Variants in ACSL6 observed in about 807,000 individuals in gnomAD.
ACSL6 encodes the protein acyl-CoA synthetase long chain family member 6, also known as long-chain-fatty-acid--CoA ligase 6.
A neutral mutation model predicts 98.2 loss-of-function variants in ACSL6; 47 were observed. The ratio of observed to expected loss-of-function variants is 0.48; its 90% confidence interval spans 0.38 to 0.61. The LOEUF is 0.61. ACSL6 is among the 20% of genes least tolerant of loss of function. The probability of loss-of-function intolerance (pLI) is 0.00; values close to 1 mark genes in which losing one functional copy is unlikely to be tolerated. For missense variants in ACSL6, 761 were observed against 913.4 expected, an observed-to-expected ratio of 0.83 and a Z score of 2.15; for synonymous variants, 362 against 336.9, an observed-to-expected ratio of 1.07 and a Z score of -0.82.
rs1287943381 is a variant in ACSL6 at position 131,962,583 on chromosome 5, G to A, written c.1809C>T (p.Ile603=). The A allele has an allele frequency of 3.1e-6, 5 of 1,614,068 alleles. No individual in the cohort carries two copies. The highest frequency in any genetic ancestry group is 3.4e-6 in the Non-Finnish European group (4 of 1,179,992). ...AGATTTGCGCCACAGGTTGGCTCCG[G>A]ATGTAGATGTTCTCAATCTTCTCGG... ...VAPEKIENIY[I]RSQPVAQIYV... The change falls in exon 18 of 21, where the codon ATC becomes ATT. Residue 603 remains isoleucine, a synonymous_variant. Coordinates refer to ENST00000651883, the MANE Select transcript of ACSL6 (RefSeq NM_001009185.3).
chr5:132,006,720 G>C (rs1021097978), intron 1 of ACSL6: 2 of 152,204 alleles, frequency 1.3e-5, no homozygotes, highest in Admixed American at 1.3e-4. Flanking sequence ...CCACAAAACT[G>C]GTCACCCAGA....
chr5:132,011,997 C>T (rs935415532), upstream of ACSL6: 2 of 1,491,556 alleles, frequency 1.3e-6, no homozygotes, highest in Non-Finnish European at 1.8e-6. This position sits in a 1 kb window ranked among gnomAD's most constrained non-coding sequence, Gnocchi z 5.4. Flanking sequence ...CCGCCGCCAC[C>T]CACCCCATCA....
chr5:131,976,807 A>C (rs1580655266), intron 9 of ACSL6, 86 bp from the exon 10 acceptor site: 1 of 1,099,934 alleles, frequency 9.1e-7, no homozygotes, highest in South Asian at 1.3e-5. Flanking sequence ...AGTCCCAGAC[A>C]CCCATGCTGT....
chr5:131,982,870 T>G (rs1030662393), intron 9 of ACSL6: 1 of 152,224 alleles, frequency 6.6e-6, no homozygotes, highest in South Asian at 2.1e-4. Context: ...CCGCATCATA[T>G]TGTAACTGCC....
intron 1 of ACSL6, among the ~76,000 whole-genome samples, chr5:132,004,166 G>C (rs548173115): frequency 3.3e-5 from 5 of 152,124 alleles, no homozygotes; most frequent in African/African-American, 9.6e-5. Flanking sequence ...CTAGCTTCCA[G>C]GGCTGGGGCT....
chr5:132,011,643 C>A lies in ACSL6; in HGVS notation c.-90G>T. The A allele has an allele frequency of 8.0e-7, 1 of 1,256,202 alleles. No homozygotes were observed. Among genetic ancestry groups the A allele is most frequent in the African/African-American group, 1.6e-5 (1 of 63,764 alleles). The allele number at this position is 1,256,202 out of a possible 1,614,324, so 77.8% of individuals were successfully genotyped here. A position where few individuals can be genotyped will look rare whatever the true frequency, so the allele number is the denominator to read the frequency against. ...AGCCCAGCAGCCCCAGCAGTAGCCG[C>A]GCCGCCGCCGCCGCTGCCGGGTATT... On this transcript the variant is annotated 5_prime_UTR_variant, in exon 1 of 21. Coordinates refer to ENST00000651883, the MANE Select transcript of ACSL6 (RefSeq NM_001009185.3). This position sits in a 1 kb window ranked among gnomAD's most constrained non-coding sequence, Gnocchi z 5.4.
At chr5:131,976,000 G>C in intron 10 of ACSL6, 1 of 985,476 alleles carries the variant, frequency 1.0e-6, no homozygotes, top group Non-Finnish European at 1.2e-6. Flanking sequence ...AATGTGGAGT[G>C]TGACTTTCTC....
At chr5:131,966,386 T>A in intron 17 of ACSL6, 30 bp downstream of exon 17, 1 of 1,609,206 alleles carries the variant, frequency 6.2e-7, no homozygotes, top group Middle Eastern at 1.8e-4. Flanking sequence ...TGCCAAATGT[T>A]TGGAGCTCCG....
intron 1 of ACSL6, among the ~76,000 whole-genome samples, chr5:132,003,121 C>T (rs1486370807): frequency 6.6e-6 from 1 of 152,336 alleles, no homozygotes; most frequent in East Asian, 1.9e-4. Flanking sequence ...GTTAAGGGCA[C>T]ATTTTCTGGC....
At chr5:131,958,198 C>T (rs1056435102) in intron 20 of ACSL6, among the ~76,000 whole-genome samples, 18 of 152,130 alleles carry the variant, frequency 1.2e-4, no homozygotes, top group African/African-American at 4.1e-4. Context: ...GGACAGGTCC[C>T]GCATCCAAAC....
Position 132,011,487 on chromosome 5 carries a change from G to A in ACSL6, c.49+18C>T, listed in dbSNP as rs1166039559. 1.2e-6 allele frequency: 2 copies of A among 1,609,982 alleles called. No homozygotes were observed. Among genetic ancestry groups the A allele is most frequent in the Non-Finnish European group, 1.7e-6 (2 of 1,177,590 alleles). On this transcript the variant is annotated intron_variant, in intron 1 of 20. Transcript: ENST00000651883. The surrounding 1 kb of genome is among the most constrained non-coding windows in gnomAD (Gnocchi z 5.4). Reference sequence around the variant, plus strand: ...GCGGGAGATGGGAGTCCGGGACGCGGACAGGACGGGCACTTACCTACGAAT... The same window carrying A: ...GCGGGAGATGGGAGTCCGGGACGCGAACAGGACGGGCACTTACCTACGAAT...
intron 15 of ACSL6, among the ~76,000 whole-genome samples, chr5:131,969,049 T>C (rs79063757): frequency 1.3e-3 from 196 of 152,312 alleles, no homozygotes; most frequent in African/African-American, 4.3e-3. Flanking sequence ...CTACATCTGA[T>C]GGGTAATCCA....
intron 14 of ACSL6, among the ~76,000 whole-genome samples, chr5:131,970,448 C>T (rs1173484382): frequency 1.3e-5 from 2 of 148,542 alleles, no homozygotes; most frequent in Non-Finnish European, 3.0e-5. Context: ...CTCACTCTGT[C>T]GCCCAGGCTG....
intron 1 of ACSL6, 73 bp from the exon 2 acceptor site, chr5:131,994,324 C>A: frequency 7.7e-7 from 1 of 1,306,012 alleles, no homozygotes; most frequent in Non-Finnish European, 1.1e-6. Context: ...GGTCACAGGA[C>A]CTGATATCTG....
intron 10 of ACSL6, chr5:131,976,086 CCA>C: frequency 3.0e-6 from 3 of 985,482 alleles, no homozygotes; most frequent in Non-Finnish European, 3.6e-6. Context: ...GACATACTCA[CCA>C]CTTGTGGGAA....
chr5:131,971,184 C>G (rs571970987), intron 14 of ACSL6, among the ~76,000 whole-genome samples: 1 of 152,182 alleles, frequency 6.6e-6, no homozygotes, highest in Non-Finnish European at 1.5e-5. Flanking sequence ...CCCTTGTTCT[C>G]CTTTTCTGGG....
At chr5:131,987,702 T>C (rs1580673770) in intron 7 of ACSL6, among the ~76,000 whole-genome samples, 1 of 152,212 alleles carries the variant, frequency 6.6e-6, no homozygotes, top group Non-Finnish European at 1.5e-5. Flanking sequence ...GACCTATGTC[T>C]GTAGTCCTCA....
At chr5:131,958,469 G>T (rs1752534554) in intron 20 of ACSL6, among the ~76,000 whole-genome samples, 1 of 152,188 alleles carries the variant, frequency 6.6e-6, no homozygotes, top group Non-Finnish European at 1.5e-5. Context: ...GAATGCCTCA[G>T]ATTCCATACT....
intron 10 of ACSL6, 57 bp from the exon 11 acceptor site, chr5:131,975,027 A>G: frequency 6.3e-7 from 1 of 1,582,004 alleles, no homozygotes; most frequent in Non-Finnish European, 8.6e-7. Context: ...GGAAGACGAC[A>G]AGAGAATCAT....
Sources: allele counts gnomAD v4.1 joint callset (sites outside exome capture counted in the v4.1 genomes callset), GRCh38; gene constraint gnomAD v4.1.1; non-coding constraint Gnocchi (gnomAD v3.1); transcripts MANE v1.5; gene names NCBI Gene and HGNC (gene_info 2026-07-23, HGNC 2026-07-21).